Variants in LHX9 observed in about 807,000 individuals in gnomAD.
LHX9 encodes the protein LIM homeobox 9.
LHX9 carries 9 observed loss-of-function variants against 36.5 expected under a neutral mutation model. That is an observed-to-expected ratio of 0.25 (90% CI 0.15 to 0.43). The LOEUF (loss-of-function observed/expected upper bound fraction) is 0.43. Among genes scored for constraint, LHX9 ranks in the 20% least tolerant of loss-of-function variants. The pLI, the probability that LHX9 is intolerant of heterozygous loss-of-function variation, is 1.00. For synonymous variants in LHX9, 211 were observed against 212.1 expected (o/e 0.99, Z 0.04); for missense variants, 464 against 526.4 (o/e 0.88, Z 1.16).
chr1:197,931,711 C>G lies in LHX9; in HGVS notation c.*2452C>G. ...ATTTGCTTATAACAAAAGTAATGCC[C>G]CACTGATTTGACTCAGTCCAATTTT... On this transcript the variant is annotated 3_prime_UTR_variant, in exon 5 of 5. Transcript: ENST00000367387. The G allele has an allele frequency of 2.2e-6, 1 of 450,838 alleles. No individual in the cohort carries two copies. The highest frequency in any genetic ancestry group is 4.0e-6 in the Non-Finnish European group (1 of 247,592). The allele number at this position is 450,838 out of a possible 1,614,324, so 27.9% of individuals were successfully genotyped here.
upstream of LHX9, chr1:197,912,543 T>C (rs953071370): frequency 1.2e-6 from 2 of 1,614,224 alleles, no homozygotes; most frequent in South Asian, 1.1e-5. Context: ...TGCTGAACGG[T>C]ACCACTCTAG....
upstream of LHX9, among the ~76,000 whole-genome samples, chr1:197,914,142 G>T (rs911492508): frequency 6.6e-6 from 1 of 152,214 alleles, no homozygotes; most frequent in African/African-American, 2.4e-5. Flanking sequence ...CGGGATGGGT[G>T]CTGTCAGAAT....
Position 197,929,249 on chromosome 1 carries a change from A to G in LHX9, c.1184A>G (p.Asn395Ser). 1 of 1,393,782 alleles carries G rather than the reference A, an allele frequency of 7.2e-7. No homozygotes were observed. Among genetic ancestry groups the G allele is most frequent in the Non-Finnish European group, 9.4e-7 (1 of 1,067,458 alleles). The allele number at this position is 1,393,782 out of a possible 1,614,324, so 86.3% of individuals were successfully genotyped here. The change falls in exon 5 of 5, where the codon AAC becomes AGC. Residue 395 changes from asparagine to serine, a missense_variant. By Grantham distance (46) the Asn-to-Ser change is conservative. Around this residue, in one of 5 missense-constraint regions of LHX9, gnomAD observed 102 missense variants for 97.0 expected, o/e 1.05. Coordinates refer to ENST00000367387, the MANE Select transcript of LHX9 (RefSeq NM_020204.3). ...SGSPSQTTLTNLF is the reference protein window; with the variant it reads ...SGSPSQTTLTSLF ...AGCCCCTCACAAACTACCTTAACAA[A>G]CCTTTTCTAACATTGGTTTTTTTTT... is the stretch of plus-strand genomic sequence containing the variant.
In LHX9 at chr1:197,917,528, C is replaced by T. The variant is rs188941900; in HGVS notation, c.-296C>T. 2.5e-5 allele frequency: 36 copies of T among 1,433,288 alleles called. No individual in the cohort carries two copies. The East Asian group carries it at 8.7e-4, about 35-fold the overall frequency. The allele number at this position is 1,433,288 out of a possible 1,614,324, so 88.8% of individuals were successfully genotyped here. On this transcript the variant is annotated 5_prime_UTR_variant, in exon 1 of 5. Coordinates refer to ENST00000367387, the MANE Select transcript of LHX9 (RefSeq NM_020204.3). The stretch of plus-strand genomic sequence containing the variant: ...CTGCAGTTGTTTCCCATTAGTAACT[C>T]GATCTCTCAGAGCAGTAAGATTCGC...
rs1379727633 is a variant in LHX9, at chr1:197,927,770, G to A, written c.913G>A (p.Gly305Ser). 6.2e-7 allele frequency: 1 copy of A among 1,614,136 alleles called. No individual in the cohort carries two copies. The highest frequency in any genetic ancestry group is 8.5e-7 in the Non-Finnish European group (1 of 1,180,020). The change falls in exon 4 of 5, where the codon GGT becomes AGT. Residue 305 changes from glycine (G) to serine (S), a missense_variant. This residue lies in a region of LHX9 where 20 missense variants were observed against 67.0 expected (regional missense o/e 0.30). Coordinates refer to ENST00000367387, the MANE Select transcript of LHX9 (RefSeq NM_020204.3). ...CCTCAAGCAGCTTGCCCAGAAAACA[G>A]GTCTGACCAAAAGAGTTTTGCAGGT... Reference protein sequence around the residue: ...KDLKQLAQKTGLTKRVLQVWF... With the variant: ...KDLKQLAQKTSLTKRVLQVWF...
Position 197,928,740 on chromosome 1 carries a change from G to A in LHX9, c.937-262G>A, listed in dbSNP as rs181032508. Among the ~76,000 whole-genome samples, 126 of 152,110 alleles carry A rather than the reference G, an allele frequency of 8.3e-4. 1 individual carries two copies. The highest frequency in any genetic ancestry group is 5.8e-3 in the South Asian group (28 of 4,814). On this transcript the variant is annotated intron_variant, in intron 4 of 4. Coordinates refer to ENST00000367387, the MANE Select transcript of LHX9 (RefSeq NM_020204.3). Reference sequence around the variant, plus strand: ...ACTTAAGCATCAGTTGTTCCAAGTGGCACTTGTTAATGCTACAGGGTGGAA... The same window carrying A: ...ACTTAAGCATCAGTTGTTCCAAGTGACACTTGTTAATGCTACAGGGTGGAA...
rs772746239 is a variant in LHX9 at position 197,920,007 on chromosome 1, G to C, written c.210G>C (p.Leu70=). 2 of 1,614,106 alleles carry C rather than the reference G, an allele frequency of 1.2e-6. No individual in the cohort carries two copies. The highest frequency in any genetic ancestry group is 1.7e-6 in the Non-Finnish European group (2 of 1,180,060). Residue 70 remains leucine (L), a synonymous_variant, in exon 2 of 5, where the codon CTG becomes CTC. Coordinates refer to ENST00000367387, the MANE Select transcript of LHX9 (RefSeq NM_020204.3). ...CGCTCAGCCCGGAGAAGCCCGCCCT[G>C]TGCGCCGGCTGCGGGGGCAAGATCT... The part of the protein sequence containing the change: ...MPPLSPEKPA[L]CAGCGGKISD...
chr1:197,926,188 AAC>A (rs1339029055), intron 3 of LHX9, among the ~76,000 whole-genome samples: 8 of 152,346 alleles, frequency 5.3e-5, no homozygotes, highest in Non-Finnish European at 1.0e-4. Flanking sequence ...AGTAATTCTA[AAC>A]AGAGCCTAGC....
chr1:197,914,687 G>T (rs751427827), upstream of LHX9, among the ~76,000 whole-genome samples: 1 of 152,036 alleles, frequency 6.6e-6, no homozygotes. Flanking sequence ...ACGTATTTCC[G>T]CAGAGCTAAC....
chr1:197,929,062 G>C lies in LHX9; in HGVS notation c.997G>C (p.Gly333Arg). 1 of 1,613,612 alleles carries C rather than the reference G, an allele frequency of 6.2e-7. No homozygotes were observed. Among genetic ancestry groups the C allele is most frequent in the Non-Finnish European group, 8.5e-7 (1 of 1,179,850 alleles). Residue 333 changes from glycine (G) to arginine (R), a missense_variant, in exon 5 of 5, where the codon GGT becomes CGT. By Grantham distance (125) the Gly-to-Arg change is moderately radical. Around this residue, in one of 5 missense-constraint regions of LHX9, gnomAD observed 102 missense variants for 97.0 expected, o/e 1.05. Coordinates refer to ENST00000367387, the MANE Select transcript of LHX9 (RefSeq NM_020204.3). ...GAACCTTTTGCGGCAGGAGAATGGG[G>C]GTGTTGATAAAGCTGACGGCACGTC... ...RRNLLRQENG[G>R]VDKADGTSLP... is the part of the protein sequence containing the mutation.
chr1:197,927,561 G>A, intron 3 of LHX9, 30 bp from the exon 4 acceptor site: 1 of 1,584,272 alleles, frequency 6.3e-7, no homozygotes, highest in African/African-American at 1.3e-5. Flanking sequence ...TTTCCACTGA[G>A]CAGTTGTTTG....
Position 197,921,693 on chromosome 1 carries a change from C to G in LHX9, c.733+34C>G. ...CCTATCCTCACCCCCGGCGCAGCCC[C>G]GGCCTCCCTGAGGAAAATTCGTAGA... On this transcript the variant is annotated intron_variant, in intron 3 of 4. Coordinates refer to ENST00000367387, the MANE Select transcript of LHX9 (RefSeq NM_020204.3). This position sits in a 1 kb window ranked among gnomAD's most constrained non-coding sequence, Gnocchi z 4.6. 6.7e-7 allele frequency: 1 copy of G among 1,498,768 alleles called. No homozygotes were observed. Among genetic ancestry groups the G allele is most frequent in the Non-Finnish European group, 8.9e-7 (1 of 1,122,952 alleles). The allele number at this position is 1,498,768 out of a possible 1,614,324, so 92.8% of individuals were successfully genotyped here. A position where few individuals can be genotyped will look rare whatever the true frequency, so the allele number is the denominator to read the frequency against.
rs2102605362 is a variant in LHX9, at chr1:197,931,700, A to C, written c.*2441A>C. 1 of 434,978 alleles carries C rather than the reference A, an allele frequency of 2.3e-6. No homozygotes were observed. The highest frequency in any genetic ancestry group is 6.8e-5 in the South Asian group (1 of 14,702). The allele number at this position is 434,978 out of a possible 1,614,324, so 26.9% of individuals were successfully genotyped here. On this transcript the variant is annotated 3_prime_UTR_variant, in exon 5 of 5. Transcript: ENST00000367387. ...CCTTTGAATATATTTGCTTATAACA[A>C]AAGTAATGCCCCACTGATTTGACTC...
chr1:197,918,850 C>A (rs12024850), intron 1 of LHX9: 26,721 of 133,976 alleles, frequency 0.2, 3,080 homozygotes, highest in East Asian at 0.41. Flanking sequence ...CCAAACATAG[C>A]TGTGTAGATC....
chr1:197,928,774 G>T (rs1220458531), intron 4 of LHX9, among the ~76,000 whole-genome samples: 3 of 151,358 alleles, frequency 2.0e-5, no homozygotes, highest in Non-Finnish European at 4.4e-5. Flanking sequence ...AATAAGTGCA[G>T]TTGAGAGATA....
At chr1:197,919,362 C>T (rs1483551478) in intron 1 of LHX9, among the ~76,000 whole-genome samples, 1 of 152,186 alleles carries the variant, frequency 6.6e-6, no homozygotes, top group African/African-American at 2.4e-5. Context: ...GGAACAGCCA[C>T]TTTACACATT....
chr1:197,917,094 GT>G, upstream of LHX9: 1 of 155,468 alleles, frequency 6.4e-6, no homozygotes, highest in Non-Finnish European at 1.3e-5. Flanking sequence ...GGAAGGATGT[GT>G]GTGTGTGTGT....
upstream of LHX9, chr1:197,916,745 C>G (rs1659769846): frequency 1.4e-6 from 1 of 702,914 alleles, no homozygotes; most frequent in Non-Finnish European, 2.6e-6. Flanking sequence ...CTCCGGCCCT[C>G]AAGAAGGTGA....
rs1660263558 is a variant in LHX9 at position 197,929,446 on chromosome 1, C to T, written c.*187C>T. 2 of 1,102,312 alleles carry T rather than the reference C, an allele frequency of 1.8e-6. No individual in the cohort carries two copies. Among genetic ancestry groups the T allele is most frequent in the Non-Finnish European group, 2.2e-6 (2 of 906,214 alleles). 68.3% of individuals were successfully genotyped at this position (1,102,312 alleles called of 1,614,324 possible). On this transcript the variant is annotated 3_prime_UTR_variant, in exon 5 of 5. Coordinates refer to ENST00000367387, the MANE Select transcript of LHX9 (RefSeq NM_020204.3). ...GCAAATGAGTTTACAGTATTGTCTC[C>T]TTTAAGTGAATATATTTTGTCTACA... is the stretch of plus-strand genomic sequence containing the variant.
Sources: gnomAD v4.1 joint callset for allele counts (sites outside exome capture counted in the v4.1 genomes callset) on GRCh38, gnomAD v4.1.1 for gene constraint, gnomAD v4.1.1 regional missense constraint, Gnocchi (gnomAD v3.1) non-coding constraint, MANE v1.5 for transcripts, NCBI Gene and HGNC (gene_info 2026-07-23, HGNC 2026-07-21) for gene names.